ANTXR2: variants seen among roughly 807,000 people sequenced by gnomAD.
ANTXR2 encodes the protein anthrax toxin receptor 2.
A neutral mutation model predicts 73.7 loss-of-function variants in ANTXR2; 44 were observed. The observed-to-expected ratio is 0.60, with a 90% CI of 0.47 to 0.77. ANTXR2 has a LOEUF of 0.77. Among genes scored for constraint, ANTXR2 ranks in the 30% least tolerant of loss-of-function variants. The probability of loss-of-function intolerance (pLI) is 0.00; values close to 1 mark genes in which losing one functional copy is unlikely to be tolerated. For missense variants in ANTXR2, 604 were observed against 592.5 expected (o/e 1.02, Z -0.20); for synonymous variants, 217 against 205.9 (o/e 1.05, Z -0.46).
chr4:80,068,582 A>G (rs1734623248), intron 3 of ANTXR2, among the ~76,000 whole-genome samples: 1 of 152,184 alleles, frequency 6.6e-6, no homozygotes, highest in East Asian at 1.9e-4. Flanking sequence ...CAACCTGGCC[A>G]ATACAGTGAA....
intron 11 of ANTXR2, among the ~76,000 whole-genome samples, chr4:80,009,665 A>C (rs1384724595): frequency 6.6e-6 from 1 of 151,872 alleles, no homozygotes; most frequent in Non-Finnish European, 1.5e-5. Context: ...TGGCCAACAT[A>C]GTGAAACCCC....
At chr4:79,984,095 A>T in intron 13 of ANTXR2, 125 bp from the exon 14 acceptor site, 1 of 672,618 alleles carries the variant, frequency 1.5e-6, no homozygotes, top group Non-Finnish European at 2.4e-6. Flanking sequence ...TATGTATAGA[A>T]CATGTGGATA....
chr4:79,907,561 T>A, intron 16 of ANTXR2, 94 bp from the exon 17 acceptor site: 1 of 1,351,622 alleles, frequency 7.4e-7, no homozygotes, highest in South Asian at 1.2e-5. Flanking sequence ...AATAAATGAT[T>A]ACCCAAGGAA....
chr4:80,045,745 T>A (rs73829350), intron 7 of ANTXR2, among the ~76,000 whole-genome samples: 16,473 of 151,752 alleles, frequency 0.11, 1,037 homozygotes, highest in Middle Eastern at 0.23. Context: ...CTGCATAACA[T>A]AAGCAGCAAA....
At chr4:80,024,051 C>T (rs1312710470) in intron 10 of ANTXR2, among the ~76,000 whole-genome samples, 1 of 151,892 alleles carries the variant, frequency 6.6e-6, no homozygotes, top group Non-Finnish European at 1.5e-5. Context: ...GAAATAAGTA[C>T]CAAAGTAGAA....
chr4:80,062,101 T>C (rs2110115825), intron 3 of ANTXR2, among the ~76,000 whole-genome samples: 1 of 152,308 alleles, frequency 6.6e-6, no homozygotes, highest in East Asian at 1.9e-4. Flanking sequence ...ATGTAAAATA[T>C]GCTTATTGTT....
intron 12 of ANTXR2, among the ~76,000 whole-genome samples, chr4:80,005,610 T>C (rs1365417902): frequency 6.6e-6 from 1 of 152,150 alleles, no homozygotes; most frequent in Non-Finnish European, 1.5e-5. Context: ...ACCTCCTTTT[T>C]ACATCATGTC....
intron 7 of ANTXR2, among the ~76,000 whole-genome samples, chr4:80,048,690 A>T (rs1442585808): frequency 6.6e-6 from 1 of 151,694 alleles, no homozygotes; most frequent in Non-Finnish European, 1.5e-5. Context: ...TTGCCTTAAG[A>T]GAAAATGTGT....
intron 16 of ANTXR2, among the ~76,000 whole-genome samples, chr4:79,920,181 C>A (rs1356458559): frequency 6.6e-6 from 1 of 151,682 alleles, no homozygotes; most frequent in Non-Finnish European, 1.5e-5. Flanking sequence ...TCTCTAAATA[C>A]CATTATCTAC....
intron 16 of ANTXR2, among the ~76,000 whole-genome samples, chr4:79,931,971 C>T (rs1031031002): frequency 2.6e-5 from 4 of 152,126 alleles, no homozygotes; most frequent in Non-Finnish European, 5.9e-5. Flanking sequence ...ATTATTTGCC[C>T]ATTAATGTAC....
intron 12 of ANTXR2, among the ~76,000 whole-genome samples, chr4:79,993,692 C>T (rs545712864): frequency 2.9e-4 from 44 of 151,686 alleles, no homozygotes; most frequent in Non-Finnish European, 5.0e-4. Context: ...CAAGGCACTT[C>T]CCACTCTGTA....
chr4:80,036,492 A>G (rs918313890), intron 7 of ANTXR2, among the ~76,000 whole-genome samples: 1 of 152,006 alleles, frequency 6.6e-6, no homozygotes, highest in South Asian at 2.1e-4. Context: ...CGGTGGTTCA[A>G]AATAATATCA....
intron 12 of ANTXR2, among the ~76,000 whole-genome samples, chr4:80,001,515 T>C (rs1399403699): frequency 4.0e-5 from 6 of 151,804 alleles, no homozygotes; most frequent in Admixed American, 3.9e-4. Context: ...TTGAAAAAAA[T>C]GTATATTCTG....
At chr4:79,919,908 TATATATATATATAAA>T (rs1560856485) in intron 16 of ANTXR2, among the ~76,000 whole-genome samples, 2 of 17,588 alleles carry the variant, frequency 1.1e-4, no homozygotes, top group African/African-American at 2.7e-4. Context: ...TATATATATA[TATATATATATATAAA>T]AAATGATAGG....
intron 16 of ANTXR2, among the ~76,000 whole-genome samples, chr4:79,929,403 C>T (rs143938486): frequency 3.3e-5 from 5 of 152,070 alleles, no homozygotes; most frequent in Admixed American, 1.3e-4. Context: ...ATCCCAGCTA[C>T]TCTGGAGGCT....
In ANTXR2 at chr4:79,979,695, T is replaced by C. The variant is rs150954358; in HGVS notation, c.1180-1521A>G. On this transcript the variant is annotated intron_variant, in intron 14 of 16. Transcript: ENST00000403729. The stretch of plus-strand genomic sequence containing the variant: ...CCACTAAACCTTTAGAGCTAGATAG[T>C]TGGCTTTCTTTCCAGAGAAATGACC... Among the ~76,000 whole-genome samples the C allele has an allele frequency of 2.3e-3, 355 of 152,304 alleles. 2 individuals carry two copies. The highest frequency in any genetic ancestry group is 8.3e-3 in the African/African-American group (347 of 41,578).
At chr4:79,957,020 T>C (rs1347644436) in intron 16 of ANTXR2, among the ~76,000 whole-genome samples, 1 of 152,112 alleles carries the variant, frequency 6.6e-6, no homozygotes, top group Non-Finnish European at 1.5e-5. Context: ...ATCCACCAAT[T>C]TGACCAGTTA....
At chr4:79,953,245 A>G (rs2109985294) in intron 16 of ANTXR2, among the ~76,000 whole-genome samples, 1 of 152,252 alleles carries the variant, frequency 6.6e-6, no homozygotes, top group East Asian at 1.9e-4. Context: ...GACTTTAAAA[A>G]CCATTTCAGG....
intron 11 of ANTXR2, among the ~76,000 whole-genome samples, chr4:80,013,274 T>C (rs1176644461): frequency 1.3e-5 from 2 of 152,222 alleles, no homozygotes; most frequent in Non-Finnish European, 2.9e-5. Context: ...CTTTCAATCA[T>C]TCATTTAGGA....
Sources: allele counts gnomAD v4.1 joint callset (sites outside exome capture counted in the v4.1 genomes callset), GRCh38; gene constraint gnomAD v4.1.1; transcripts MANE v1.5; gene names NCBI Gene and HGNC (gene_info 2026-07-23, HGNC 2026-07-21).